Variants in ABCD2 observed in about 807,000 individuals in gnomAD.
ABCD2 encodes the protein ATP binding cassette subfamily D member 2.
In ABCD2, 36 loss-of-function variants were observed where a neutral mutation model predicts 70.9. The ratio of observed to expected loss-of-function variants is 0.51; its 90% CI spans 0.39 to 0.67. The LOEUF (loss-of-function observed/expected upper bound fraction) is 0.67, where lower values mean the gene tolerates loss of function less well. ABCD2 is among the 30% of genes least tolerant of loss of function. ABCD2 has a pLI of 0.00. For missense variants in ABCD2, 729 were observed against 890.2 expected, an observed-to-expected ratio of 0.82 and a Z score of 2.30; for synonymous variants, 304 against 306.9, an observed-to-expected ratio of 0.99 and a Z score of 0.10.
At chr12:39,571,733 T>C (rs868723150) in intron 9 of ABCD2, among the ~76,000 whole-genome samples, 2 of 152,274 alleles carry the variant, frequency 1.3e-5, no homozygotes, top group African/African-American at 4.8e-5. Context: ...CCTTCACAAA[T>C]AGGAAAAAGC....
At chr12:39,597,146 C>T (rs918414006) in intron 6 of ABCD2, among the ~76,000 whole-genome samples, 5 of 152,122 alleles carry the variant, frequency 3.3e-5, no homozygotes, top group African/African-American at 1.2e-4. Context: ...AAAACTAGTA[C>T]AAAAGAAAGC....
intron 6 of ABCD2, among the ~76,000 whole-genome samples, chr12:39,593,696 G>A (rs1857569769): frequency 6.6e-6 from 1 of 152,092 alleles, no homozygotes; most frequent in Admixed American, 6.5e-5. Context: ...CTTCACTGTT[G>A]CAAGCGACAA....
At chr12:39,540,370 A>G in the ABCD2 span, among the ~76,000 whole-genome samples, 13,041 of 152,208 alleles carry the variant, frequency 0.086, 1,196 homozygotes, top group African/African-American at 0.23. Context: ...AACCCTATGT[A>G]TCCTGACTTA....
At position 39,551,610 on chromosome 12, in the gene ABCD2, T is replaced by A. The variant is rs1334433674; in HGVS notation, c.*2302A>T. The A allele has an allele frequency of 6.6e-6, 1 of 151,746 alleles. No individual in the cohort carries two copies. Among genetic ancestry groups the A allele is most frequent in the African/African-American group, 2.4e-5 (1 of 41,394 alleles). The allele number at this position is 151,746 out of a possible 1,614,324, so 9.4% of individuals were successfully genotyped here. ...CAGAAAACAAATAGGCACAAAAAGC[T>A]CATGGAAAACATGTGCATATTAGAA... On this transcript the variant is annotated 3_prime_UTR_variant, in exon 10 of 10. Transcript: ENST00000308666.
chr12:39,564,871 A>G (rs1438040978), intron 9 of ABCD2, among the ~76,000 whole-genome samples: 1 of 152,180 alleles, frequency 6.6e-6, no homozygotes, highest in Non-Finnish European at 1.5e-5. Context: ...TCCCAGCACC[A>G]TTTATTAAAT....
chr12:39,601,626 T>G (rs901904337), intron 5 of ABCD2, among the ~76,000 whole-genome samples: 10 of 152,062 alleles, frequency 6.6e-5, no homozygotes, highest in African/African-American at 2.4e-4. Flanking sequence ...AAATGAAATT[T>G]TATAATCAGT....
the ABCD2 span, among the ~76,000 whole-genome samples, chr12:39,532,165 G>T: frequency 1.3e-5 from 2 of 152,200 alleles, no homozygotes; most frequent in Admixed American, 6.5e-5. Context: ...CTGTGGCCAT[G>T]GAAGTGAATG....
chr12:39,549,410 C>A (rs952340678), downstream of ABCD2, among the ~76,000 whole-genome samples: 1 of 151,846 alleles, frequency 6.6e-6, no homozygotes, highest in African/African-American at 2.4e-5. Flanking sequence ...TAAAATATTT[C>A]ATGAGGGCTC....
At chr12:39,536,091 A>AAAAT in the ABCD2 span, among the ~76,000 whole-genome samples, 1 of 152,256 alleles carries the variant, frequency 6.6e-6, no homozygotes, top group African/African-American at 2.4e-5. Flanking sequence ...CTCCGTCTCA[A>AAAAT]AAATAAATAA....
chr12:39,586,337 CATG>C, intron 6 of ABCD2, 40 bp from the exon 7 acceptor site: 1 of 1,587,024 alleles, frequency 6.3e-7, no homozygotes, highest in South Asian at 1.2e-5. Context: ...AGTGGAAAGT[CATG>C]ATAACTTACT....
At chr12:39,531,391 G>C in the ABCD2 span, among the ~76,000 whole-genome samples, 1 of 152,192 alleles carries the variant, frequency 6.6e-6, no homozygotes, top group African/African-American at 2.4e-5. Context: ...TGGGATTAAT[G>C]CCCTTAAGAA....
chr12:39,562,850 CA>C (rs1334136703), intron 9 of ABCD2, among the ~76,000 whole-genome samples: 1 of 152,004 alleles, frequency 6.6e-6, no homozygotes, highest in Non-Finnish European at 1.5e-5. Flanking sequence ...AACAAAAAGA[CA>C]ACAACAAGAA....
chr12:39,537,542 A>C, the ABCD2 span, among the ~76,000 whole-genome samples: 5 of 152,202 alleles, frequency 3.3e-5, no homozygotes, highest in East Asian at 7.7e-4. Context: ...TAAAAAACAG[A>C]ATCAAAATAA....
rs1168458968 is a variant in ABCD2, at chr12:39,553,736, ATTTG to A, written c.*172_*175del. ...CATAATGACTGACCTTACATAATGCATTTGTTTATTTTCTTCTGAAAAGTCAGAT... is the reference window on the plus strand; with the variant it reads ...CATAATGACTGACCTTACATAATGCATTTATTTTCTTCTGAAAAGTCAGAT... On this transcript the variant is annotated 3_prime_UTR_variant, in exon 10 of 10. Coordinates refer to ENST00000308666, the MANE Select transcript of ABCD2 (RefSeq NM_005164.4). The A allele has an allele frequency of 3.4e-6, 2 of 587,792 alleles. No homozygotes were observed. Among genetic ancestry groups the A allele is most frequent in the Non-Finnish European group, 3.0e-6 (1 of 334,642 alleles). 36.4% of individuals were successfully genotyped at this position (587,792 alleles called of 1,614,324 possible). A position where few individuals can be genotyped will look rare whatever the true frequency, so the allele number is the denominator to read the frequency against.
At chr12:39,594,195 T>C (rs1175072321) in intron 6 of ABCD2, among the ~76,000 whole-genome samples, 1 of 152,108 alleles carries the variant, frequency 6.6e-6, no homozygotes, top group Non-Finnish European at 1.5e-5. Flanking sequence ...TTGATACCAA[T>C]AAGGCAAAAT....
At chr12:39,602,837 A>G (rs989159265) in intron 5 of ABCD2, among the ~76,000 whole-genome samples, 2 of 152,186 alleles carry the variant, frequency 1.3e-5, no homozygotes, top group Non-Finnish European at 2.9e-5. Context: ...AAGAATCAAT[A>G]TTATAAAATG....
chr12:39,619,409 G>T lies in ABCD2; in HGVS notation c.207C>A (p.Thr69=), dbSNP rs369038610. 2.0e-5 allele frequency: 33 copies of T among 1,613,938 alleles called. No homozygotes were observed. The highest frequency in any genetic ancestry group is 1.6e-4 in the Middle Eastern group (1 of 6,084). The change falls in exon 1 of 10, where the codon ACC becomes ACA. Residue 69 remains threonine, a synonymous_variant. Transcript: ENST00000308666. ...AAENTEILHC[T]ETICEKPSPG... is the part of the protein sequence containing the mutation. The stretch of plus-strand genomic sequence containing the variant: ...GCGAAGGTTTTTCACAAATGGTCTC[G>T]GTGCAATGCAGTATTTCTGTGTTCT...
intron 9 of ABCD2, among the ~76,000 whole-genome samples, chr12:39,560,500 A>G (rs1405379267): frequency 6.6e-6 from 1 of 152,224 alleles, no homozygotes; most frequent in African/African-American, 2.4e-5. Context: ...ACTATTAAAA[A>G]TTATAACCAT....
At chr12:39,575,924 T>C (rs1566550521) in intron 8 of ABCD2, among the ~76,000 whole-genome samples, 1 of 152,230 alleles carries the variant, frequency 6.6e-6, no homozygotes, top group Non-Finnish European at 1.5e-5. Context: ...AGGTTACAGA[T>C]ATGTGAAATC....
Sources: allele counts gnomAD v4.1 joint callset (sites outside exome capture counted in the v4.1 genomes callset), GRCh38; gene constraint gnomAD v4.1.1; transcripts MANE v1.5; gene names NCBI Gene and HGNC (gene_info 2026-07-23, HGNC 2026-07-21).